Variants in OCA2 observed in about 807,000 individuals in gnomAD.
OCA2 encodes the protein P protein.
In OCA2, 77 loss-of-function variants were observed where a neutral mutation model predicts 100.2. That is an observed-to-expected ratio of 0.77 (90% CI 0.64 to 0.93). The LOEUF is 0.93. Among genes scored for constraint, OCA2 ranks in the 40% least tolerant of loss-of-function variants. The pLI is 0.00. For synonymous variants in OCA2, 432 were observed against 439.2 expected, an observed-to-expected ratio of 0.98 and a Z score of 0.21; for missense variants, 1,062 against 1,089.1, an observed-to-expected ratio of 0.98 and a Z score of 0.35.
chr15:28,022,185 C>T (rs753427321), intron 6 of OCA2, among the ~76,000 whole-genome samples: 23 of 152,192 alleles, frequency 1.5e-4, no homozygotes, highest in Non-Finnish European at 2.6e-4. Flanking sequence ...AGATGGGTCA[C>T]GCTGAACGCA....
At chr15:27,739,546 A>G in the OCA2 span, among the ~76,000 whole-genome samples, 1 of 148,158 alleles carries the variant, frequency 6.7e-6, no homozygotes, top group Non-Finnish European at 1.5e-5. Context: ...CCCGGGTTCA[A>G]GTGATTCTCC....
At chr15:27,955,105 C>G in intron 17 of OCA2, 53 bp downstream of exon 17, 1 of 1,289,684 alleles carries the variant, frequency 7.8e-7, no homozygotes, top group Non-Finnish European at 1.1e-6. Context: ...GCATCACTCA[C>G]TCTCTTCTTG....
chr15:27,723,936 C>T, the OCA2 span, among the ~76,000 whole-genome samples: 2 of 152,188 alleles, frequency 1.3e-5, no homozygotes, highest in Admixed American at 6.5e-5. Flanking sequence ...CACAATGCCT[C>T]CTCTTCAACG....
chr15:27,975,894 T>C (rs1295281036), intron 14 of OCA2, among the ~76,000 whole-genome samples: 1 of 152,180 alleles, frequency 6.6e-6, no homozygotes, highest in African/African-American at 2.4e-5. Context: ...CTTAACAATA[T>C]TGAGTTTTCC....
At chr15:27,822,419 G>C (rs1421697157) in intron 23 of OCA2, among the ~76,000 whole-genome samples, 1 of 152,190 alleles carries the variant, frequency 6.6e-6, no homozygotes, top group African/African-American at 2.4e-5. Context: ...AGTGAAAACA[G>C]AGTGGCATTT....
chr15:27,859,489 G>C (rs1370366052), intron 21 of OCA2, among the ~76,000 whole-genome samples: 1 of 152,126 alleles, frequency 6.6e-6, no homozygotes, highest in African/African-American at 2.4e-5. Context: ...TAGAATATTT[G>C]ATTAGATCTG....
intron 19 of OCA2, among the ~76,000 whole-genome samples, chr15:27,878,034 T>G (rs2036862048): frequency 6.6e-6 from 1 of 151,370 alleles, no homozygotes; most frequent in South Asian, 2.1e-4. Flanking sequence ...TATATTTTAG[T>G]ACTTACTCCG....
In OCA2 at chr15:28,014,808, G is replaced by C; in HGVS notation, c.1012C>G (p.Leu338Val). The C allele has an allele frequency of 1.9e-6, 3 of 1,614,036 alleles. No homozygotes were observed. Among genetic ancestry groups the C allele is most frequent in the Non-Finnish European group, 2.5e-6 (3 of 1,180,016 alleles). The change falls in exon 9 of 24, where the codon CTC becomes GTC. Residue 338 changes from leucine to valine, a missense_variant. By Grantham distance (32) the Leu-to-Val change is conservative. Transcript: ENST00000354638. ...ATGATCAGCGCGTAGACGCCCGCGA[G>C]GATGGCCGTCGCGATGGTCACCTGG... Reference protein sequence around the residue: ...ETQVTIATAILAGVYALIIFE... With the variant: ...ETQVTIATAIVAGVYALIIFE...
At position 28,082,341 on chromosome 15, in the gene OCA2, G is replaced by C. The variant is rs554926239; in HGVS notation, c.-21-446C>G. Among the ~76,000 whole-genome samples, 36 of 152,290 alleles carry C rather than the reference G, an allele frequency of 2.4e-4. 1 individual carries two copies. The South Asian group carries it at 7.5e-3, about 32-fold the overall frequency. On this transcript the variant is annotated intron_variant, in intron 1 of 23. Coordinates refer to ENST00000354638, the MANE Select transcript of OCA2 (RefSeq NM_000275.3). The stretch of plus-strand genomic sequence containing the variant: ...AATCTGTGGATACTTTCGATGTTTT[G>C]GTTTTCACAGTAAATCTTGCTGCTG...
chr15:28,073,807 A>T (rs1294469191), intron 2 of OCA2, among the ~76,000 whole-genome samples: 3 of 152,222 alleles, frequency 2.0e-5, no homozygotes. Flanking sequence ...ATATAACATT[A>T]TCAAAATGGC....
chr15:27,739,570 C>T, the OCA2 span, among the ~76,000 whole-genome samples: 2,044 of 151,386 alleles, frequency 0.014, 26 homozygotes, highest in South Asian at 0.053. Context: ...CTCAGCCTCC[C>T]GAGTAGCTGG....
At chr15:27,747,033 C>G in the OCA2 span, among the ~76,000 whole-genome samples, 1 of 152,192 alleles carries the variant, frequency 6.6e-6, no homozygotes, top group Non-Finnish European at 1.5e-5. Context: ...ACTTATCACT[C>G]CTAAATGTAT....
chr15:28,019,628 C>T (rs1464827068), intron 6 of OCA2, among the ~76,000 whole-genome samples: 1 of 152,208 alleles, frequency 6.6e-6, no homozygotes, highest in African/African-American at 2.4e-5. Context: ...TCACAGCAGA[C>T]ACCCTGGGTG....
At chr15:27,753,463 G>A (rs1413670868), downstream of OCA2, among the ~76,000 whole-genome samples, 1 of 152,180 alleles carries the variant, frequency 6.6e-6, no homozygotes, top group Non-Finnish European at 1.5e-5. Flanking sequence ...GCCGGGCACG[G>A]TGGCTCATGC....
chr15:27,869,724 C>A (rs1324489145), intron 21 of OCA2, among the ~76,000 whole-genome samples: 2 of 152,156 alleles, frequency 1.3e-5, no homozygotes, highest in Admixed American at 6.5e-5. Flanking sequence ...GCGCTCGGTC[C>A]GCAACTGTGG....
chr15:27,942,317 C>T (rs1344756801), intron 18 of OCA2, among the ~76,000 whole-genome samples: 1 of 150,694 alleles, frequency 6.6e-6, no homozygotes, highest in East Asian at 1.9e-4. Context: ...GAATATCATA[C>T]AGCCAAATGA....
chr15:27,810,470 C>G (rs1846327), intron 23 of OCA2, among the ~76,000 whole-genome samples: 2 of 151,998 alleles, frequency 1.3e-5, no homozygotes. Flanking sequence ...GACTAAGACC[C>G]CAAAAGCAAA....
At chr15:28,032,409 G>T (rs1318098154) in intron 2 of OCA2, among the ~76,000 whole-genome samples, 1 of 152,130 alleles carries the variant, frequency 6.6e-6, no homozygotes, top group African/African-American at 2.4e-5. Context: ...AAATACTATG[G>T]GATGACACTT....
chr15:27,864,079 G>A (rs2036234112), intron 21 of OCA2, among the ~76,000 whole-genome samples: 1 of 152,112 alleles, frequency 6.6e-6, no homozygotes, highest in Non-Finnish European at 1.5e-5. Context: ...GCCCCTCTGA[G>A]GCTGCTCCCC....
Sources: gnomAD v4.1 joint callset for allele counts (sites outside exome capture counted in the v4.1 genomes callset) on GRCh38, gnomAD v4.1.1 for gene constraint, MANE v1.5 for transcripts, NCBI Gene and HGNC (gene_info 2026-07-23, HGNC 2026-07-21) for gene names.